PHF6: variants seen among roughly 807,000 people sequenced by gnomAD.
PHF6 encodes the protein PHD-like zinc finger protein.
A neutral mutation model predicts 34.0 loss-of-function variants in PHF6; 7 were observed. The ratio of observed to expected loss-of-function variants is 0.21; its 90% confidence interval spans 0.12 to 0.39. The LOEUF (loss-of-function observed/expected upper bound fraction) is 0.39, where lower values mean the gene tolerates loss of function less well. Among genes scored for constraint, PHF6 ranks in the 10% least tolerant of loss-of-function variants. PHF6 has a pLI of 1.00. For synonymous variants in PHF6, 89 were observed against 88.4 expected, an observed-to-expected ratio of 1.01 and a Z score of -0.04; for missense variants, 128 against 262.8, an observed-to-expected ratio of 0.49 and a Z score of 3.55.
rs2077406268 is a variant in PHF6 at position 134,402,396 on chromosome X, G to A, written c.418+8444G>A. Among the ~76,000 whole-genome samples the A allele has an allele frequency of 2.7e-5, 3 of 112,040 alleles. No homozygotes were observed. In the South Asian group the frequency reaches 1.1e-3, roughly 42 times the overall value. ...GTTGAGTAGCATTGAATAGACTTAT[G>A]AAGTACTGGGAAGGCAGTATTATAC... On this transcript the variant is annotated intron_variant, in intron 5 of 10. Transcript: ENST00000370803.
chrX:134,388,128 G>A (rs920101406), intron 3 of PHF6, among the ~76,000 whole-genome samples: 2 of 111,716 alleles, frequency 1.8e-5, no homozygotes, highest in African/African-American at 6.5e-5. Flanking sequence ...CAGTTAACCA[G>A]ATAATTCAGA....
intron 3 of PHF6, among the ~76,000 whole-genome samples, chrX:134,384,634 CTTCTTTCT>C (rs202210165): frequency 1.9e-5 from 2 of 105,849 alleles, no homozygotes; most frequent in Non-Finnish European, 3.9e-5. Flanking sequence ...TCTGCCTTTT[CTTCTTTCT>C]TTCTTTCTTT....
intron 3 of PHF6, among the ~76,000 whole-genome samples, chrX:134,390,958 CT>C (rs1481790874): frequency 1.1e-5 from 1 of 94,050 alleles, no homozygotes; most frequent in African/African-American, 3.8e-5. Flanking sequence ...TTTTCTTTTT[CT>C]TTTTTTCTTT....
chrX:134,416,523 T>G (rs1326180715), intron 8 of PHF6, among the ~76,000 whole-genome samples: 2 of 111,416 alleles, frequency 1.8e-5, no homozygotes, highest in Non-Finnish European at 3.8e-5. Flanking sequence ...GGCATCTAGA[T>G]TTCAATAAAC....
chrX:134,406,056 TTTTCTTTTTCTTTCTTTC>T (rs1382188142), intron 5 of PHF6, among the ~76,000 whole-genome samples: 4 of 92,821 alleles, frequency 4.3e-5, no homozygotes, highest in African/African-American at 1.6e-4. Flanking sequence ...TGCCTGTCCT[TTTTCTTTTTCTTTCTTTC>T]TTTCTTTCTT....
intron 5 of PHF6, among the ~76,000 whole-genome samples, chrX:134,402,184 C>A (rs951384895): frequency 4.5e-5 from 5 of 111,737 alleles, no homozygotes; most frequent in African/African-American, 1.6e-4. Flanking sequence ...TTAGTAGAGA[C>A]AACATTTCAC....
intron 9 of PHF6, among the ~76,000 whole-genome samples, chrX:134,422,253 A>G (rs1307177025): frequency 8.9e-6 from 1 of 112,155 alleles, no homozygotes; most frequent in Admixed American, 9.5e-5. Context: ...ATAATATTCC[A>G]TCATATAGGT....
intron 5 of PHF6, among the ~76,000 whole-genome samples, chrX:134,405,842 TTATATATATAAATGATTTA>T (rs1399541730): frequency 5.0e-4 from 54 of 107,907 alleles, no homozygotes; most frequent in African/African-American, 1.3e-3. Context: ...AGTAAATGAT[TTATATATATAAATGATTTA>T]TATATATATA....
intron 10 of PHF6, 98 bp downstream of exon 10, chrX:134,425,428 C>T: frequency 9.8e-7 from 1 of 1,025,486 alleles, no homozygotes; most frequent in Non-Finnish European, 1.4e-6. Context: ...TTTTTTAATC[C>T]TATTATGTTT....
At chrX:134,414,049 ATT>A in intron 7 of PHF6, 83 bp downstream of exon 7, 1 of 1,023,815 alleles carries the variant, frequency 9.8e-7, no homozygotes, top group Admixed American at 2.5e-5. Context: ...AGCCCAAATG[ATT>A]TTTTTTTTAA....
chrX:134,422,983 C>T (rs1186741522), intron 9 of PHF6, among the ~76,000 whole-genome samples: 1 of 112,113 alleles, frequency 8.9e-6, no homozygotes, highest in African/African-American at 3.2e-5. Context: ...ATAACAAGTC[C>T]TCATATCAGC....
At chrX:134,421,869 A>C in intron 9 of PHF6, among the ~76,000 whole-genome samples, 1 of 108,358 alleles carries the variant, frequency 9.2e-6, no homozygotes, top group Non-Finnish European at 1.9e-5. Context: ...TTTTCCACTT[A>C]CTAGATCAGA....
chrX:134,396,969 C>T (rs1161957349), intron 5 of PHF6, among the ~76,000 whole-genome samples: 1 of 110,379 alleles, frequency 9.1e-6, no homozygotes, highest in African/African-American at 3.3e-5. Context: ...TGGTCATTTG[C>T]CATCTGTGGC....
chrX:134,400,438 A>G (rs1451816475), intron 5 of PHF6, among the ~76,000 whole-genome samples: 2 of 98,286 alleles, frequency 2.0e-5, no homozygotes, highest in Non-Finnish European at 4.0e-5. Flanking sequence ...ATTGATACAT[A>G]GACCCCTTAA....
At chrX:134,394,604 G>A (rs756782473) in intron 5 of PHF6, among the ~76,000 whole-genome samples, 98 of 106,315 alleles carry the variant, frequency 9.2e-4, no homozygotes, top group African/African-American at 3.3e-3. Context: ...GCAGTGGCGT[G>A]ATCTTGGCTC....
intron 5 of PHF6, among the ~76,000 whole-genome samples, chrX:134,400,950 A>G (rs1381926704): frequency 8.9e-6 from 1 of 111,831 alleles, no homozygotes; most frequent in Non-Finnish European, 1.9e-5. Flanking sequence ...TAGGGAGGGA[A>G]GTGACAGCAG....
intron 5 of PHF6, among the ~76,000 whole-genome samples, chrX:134,412,247 C>A (rs770562590): frequency 1.8e-5 from 2 of 111,780 alleles, no homozygotes; most frequent in Non-Finnish European, 3.8e-5. Context: ...TTACCTTTTC[C>A]CCTTAACTCC....
chrX:134,390,488 T>G (rs2077348668), intron 3 of PHF6, among the ~76,000 whole-genome samples: 1 of 112,398 alleles, frequency 8.9e-6, no homozygotes, highest in Non-Finnish European at 1.9e-5. Context: ...TATTTCACCA[T>G]AGCAGCTTAA....
Position 134,415,001 on chromosome X carries a change from A to T in PHF6, c.730-15A>T, listed in dbSNP as rs2077467078. 1 of 1,193,383 alleles carries T rather than the reference A, an allele frequency of 8.4e-7. No homozygotes were observed. On this transcript the variant is annotated splice_polypyrimidine_tract_variant and intron_variant, in intron 7 of 10. Coordinates refer to ENST00000370803, the MANE Select transcript of PHF6 (RefSeq NM_001015877.2). ...GGATTCTGAATGTTAATTTTCCTGCATTTTTCTTCTCTAGTTGTTTTCTTC... is the reference window on the plus strand; with the variant it reads ...GGATTCTGAATGTTAATTTTCCTGCTTTTTTCTTCTCTAGTTGTTTTCTTC...
Sources: allele counts gnomAD v4.1 joint callset (sites outside exome capture counted in the v4.1 genomes callset), GRCh38; gene constraint gnomAD v4.1.1; transcripts MANE v1.5; gene names NCBI Gene and HGNC (gene_info 2026-07-23, HGNC 2026-07-21).